Variants in MOSMO observed in about 807,000 individuals in gnomAD.
MOSMO encodes the protein modulator of smoothened protein.
A neutral mutation model predicts 18.4 loss-of-function variants in MOSMO; 5 were observed. That is an observed-to-expected ratio of 0.27 (90% CI 0.14 to 0.57). MOSMO has a LOEUF of 0.57. MOSMO is among the 20% of genes least tolerant of loss of function. The probability of loss-of-function intolerance (pLI) is 0.92; values close to 1 mark genes in which losing one functional copy is unlikely to be tolerated. For synonymous variants in MOSMO, 82 were observed against 82.3 expected (o/e 1.00, Z 0.02); for missense variants, 138 against 211.8 (o/e 0.65, Z 2.16).
intron 1 of MOSMO, among the ~76,000 whole-genome samples, chr16:22,019,163 C>T (rs1899702120): frequency 6.6e-6 from 1 of 152,200 alleles, no homozygotes; most frequent in Non-Finnish European, 1.5e-5. Flanking sequence ...TCAGTGACTT[C>T]ATCTTCCACA....
At chr16:22,021,196 A>G (rs182720505) in intron 1 of MOSMO, among the ~76,000 whole-genome samples, 78 of 152,294 alleles carry the variant, frequency 5.1e-4, no homozygotes, top group African/African-American at 1.8e-3. Context: ...CTGGTCTAGA[A>G]TGGTTACTGC....
At chr16:22,022,184 T>G (rs1359786315) in intron 1 of MOSMO, among the ~76,000 whole-genome samples, 2 of 144,564 alleles carry the variant, frequency 1.4e-5, no homozygotes, top group Non-Finnish European at 3.1e-5. Context: ...CCCGTATCAC[T>G]TTTTTTTTTT....
intron 1 of MOSMO, among the ~76,000 whole-genome samples, chr16:22,012,080 G>C (rs953695590): frequency 6.6e-6 from 1 of 152,150 alleles, no homozygotes; most frequent in Non-Finnish European, 1.5e-5. Context: ...AAAAGTTAAT[G>C]TGTTGGTTCC....
intron 1 of MOSMO, among the ~76,000 whole-genome samples, chr16:22,041,144 A>G (rs1021220290): frequency 6.6e-6 from 1 of 152,198 alleles, no homozygotes; most frequent in Non-Finnish European, 1.5e-5. Context: ...AAATACAGTA[A>G]TGAAGTGAAA....
intron 1 of MOSMO, among the ~76,000 whole-genome samples, chr16:22,047,092 C>G (rs1157794810): frequency 2.0e-5 from 3 of 151,804 alleles, no homozygotes; most frequent in East Asian, 1.9e-4. Context: ...TGTGGACTTA[C>G]AGAAATATAT....
intron 1 of MOSMO, among the ~76,000 whole-genome samples, chr16:22,056,354 T>C (rs1017563405): frequency 7.2e-6 from 1 of 139,698 alleles, no homozygotes; most frequent in African/African-American, 2.6e-5. Flanking sequence ...TTCTCCCTCC[T>C]TTCTTTCTTT....
intron 1 of MOSMO, among the ~76,000 whole-genome samples, chr16:22,056,217 C>G (rs1486099772): frequency 2.0e-5 from 3 of 152,034 alleles, no homozygotes; most frequent in African/African-American, 7.2e-5. Flanking sequence ...TTATTTAGTT[C>G]TCTTTCTAAA....
chr16:22,033,074 T>G (rs993306757), intron 1 of MOSMO, among the ~76,000 whole-genome samples: 1 of 152,222 alleles, frequency 6.6e-6, no homozygotes, highest in Non-Finnish European at 1.5e-5. Context: ...ATTATCTTGA[T>G]TACTATAGCT....
chr16:22,071,487 A>G (rs899797759), intron 1 of MOSMO, among the ~76,000 whole-genome samples: 12 of 152,170 alleles, frequency 7.9e-5, no homozygotes, highest in Non-Finnish European at 1.8e-4. Flanking sequence ...CATACCTTAT[A>G]ATCATCCTCA....
chr16:22,063,627 C>G (rs760590264), intron 1 of MOSMO, among the ~76,000 whole-genome samples: 1 of 152,040 alleles, frequency 6.6e-6, no homozygotes, highest in Non-Finnish European at 1.5e-5. Context: ...GAGAATAAAC[C>G]GAGAGCAGGG....
downstream of MOSMO, among the ~76,000 whole-genome samples, chr16:22,089,055 A>G (rs928397744): frequency 7.9e-5 from 12 of 151,364 alleles, no homozygotes; most frequent in Admixed American, 7.9e-4. Flanking sequence ...GTTTGTGTCA[A>G]ATCTTCCATC....
At chr16:22,059,479 ACTG>A (rs1900601512) in intron 1 of MOSMO, among the ~76,000 whole-genome samples, 1 of 152,174 alleles carries the variant, frequency 6.6e-6, no homozygotes. Context: ...CCATTCTCAC[ACTG>A]CTATAAAGAA....
chr16:22,011,778 T>A (rs1899534034), intron 1 of MOSMO, among the ~76,000 whole-genome samples: 1 of 152,076 alleles, frequency 6.6e-6, no homozygotes, highest in Non-Finnish European at 1.5e-5. Flanking sequence ...ATTTTTAAAA[T>A]TCTTATCTAG....
At chr16:22,034,982 C>T (rs1465558906) in intron 1 of MOSMO, among the ~76,000 whole-genome samples, 3 of 151,942 alleles carry the variant, frequency 2.0e-5, no homozygotes, top group Admixed American at 6.6e-5. Context: ...GATCCATCCT[C>T]CTTGACCTCC....
intron 1 of MOSMO, among the ~76,000 whole-genome samples, chr16:22,012,686 C>T (rs970598756): frequency 6.0e-5 from 9 of 150,452 alleles, no homozygotes; most frequent in Non-Finnish European, 1.0e-4. Flanking sequence ...TCCAGTCTCT[C>T]CATACTCTAA....
rs926923513 is a variant in MOSMO, at chr16:22,053,730, G to A, written c.107-21757G>A. ...AGGCAGGAGAATCACTTGAACCCAG[G>A]AGGTGGAGGTTGCAGTGATCTGATA... On this transcript the variant is annotated intron_variant, in intron 1 of 2. Coordinates refer to ENST00000542527, the MANE Select transcript of MOSMO (RefSeq NM_001164579.2). 8.5e-5 allele frequency among the ~76,000 whole-genome samples: 13 copies of A among 152,268 alleles called. No homozygotes were observed. In the East Asian group the frequency reaches 2.5e-3, roughly 30 times the overall value.
rs891873562 is a variant in MOSMO, at chr16:22,082,091, A to G, written c.*1211A>G. 3.3e-5 allele frequency: 5 copies of G among 152,200 alleles called. No homozygotes were observed. The highest frequency in any genetic ancestry group is 5.9e-5 in the Non-Finnish European group (4 of 68,026). 9.4% of individuals were successfully genotyped at this position (152,200 alleles called of 1,614,324 possible). The stretch of plus-strand genomic sequence containing the variant: ...GTTCAGGCACACTTTACATAAATAC[A>G]AAGTTCGCTAGTAAATATCTGGCTA... On this transcript the variant is annotated 3_prime_UTR_variant, in exon 3 of 3. Coordinates refer to ENST00000542527, the MANE Select transcript of MOSMO (RefSeq NM_001164579.2).
chr16:22,032,198 T>C (rs903747503), intron 1 of MOSMO, among the ~76,000 whole-genome samples: 9 of 150,664 alleles, frequency 6.0e-5, no homozygotes, highest in South Asian at 2.1e-4. Flanking sequence ...CTTTTTTTTT[T>C]TTTTTTTTGG....
chr16:22,043,797 G>A (rs1419067952), intron 1 of MOSMO, among the ~76,000 whole-genome samples: 2 of 152,124 alleles, frequency 1.3e-5, no homozygotes, highest in African/African-American at 4.8e-5. Flanking sequence ...TATATGATCA[G>A]TTTAGGTAAG....
Sources: gnomAD v4.1 joint callset for allele counts (sites outside exome capture counted in the v4.1 genomes callset) on GRCh38, gnomAD v4.1.1 for gene constraint, MANE v1.5 for transcripts, NCBI Gene and HGNC (gene_info 2026-07-23, HGNC 2026-07-21) for gene names.